ZNF276: variants seen among roughly 807,000 people sequenced by gnomAD.
ZNF276 encodes centromere protein Z.
A neutral mutation model predicts 63.9 loss-of-function variants in ZNF276; 59 were observed. The observed-to-expected ratio is 0.92, with a 90% CI of 0.75 to 1.15. The LOEUF (loss-of-function observed/expected upper bound fraction) is 1.15. ZNF276 is among the 50% of genes most tolerant of loss of function. The probability of loss-of-function intolerance (pLI) is 0.00; values close to 1 mark genes in which losing one functional copy is unlikely to be tolerated. For missense variants in ZNF276, 1,084 were observed against 843.8 expected, an observed-to-expected ratio of 1.28 and a Z score of -3.53; for synonymous variants, 496 against 348.4, an observed-to-expected ratio of 1.42 and a Z score of -4.72.
chr16:89,728,396 T>C (rs2061534054), intron 5 of ZNF276, among the ~76,000 whole-genome samples: 1 of 151,708 alleles, frequency 6.6e-6, no homozygotes, highest in Non-Finnish European at 1.5e-5. Flanking sequence ...AGCTAAGTTT[T>C]GTATTTATTT....
chr16:89,731,006 A>T (rs1318205788), intron 6 of ZNF276, among the ~76,000 whole-genome samples: 1 of 152,204 alleles, frequency 6.6e-6, no homozygotes, highest in African/African-American at 2.4e-5. Flanking sequence ...AGCCCAGCCC[A>T]CCCGGTCCGC....
chr16:89,730,921 G>A (rs2061626007), intron 6 of ZNF276, among the ~76,000 whole-genome samples: 1 of 152,242 alleles, frequency 6.6e-6, no homozygotes, highest in Non-Finnish European at 1.5e-5. Context: ...TGAGGGGTCA[G>A]TGGTTCCCGC....
Position 89,739,458 on chromosome 16 carries a change from A to G in ZNF276, c.*1212A>G. On this transcript the variant is annotated 3_prime_UTR_variant, in exon 11 of 11. Transcript: ENST00000443381. Reference sequence around the variant, plus strand: ...TGGGAAACACTGCCCAGCCCTGACCAGCCCTGTGGGTGGAGGTACCTGTAA... The same window carrying G: ...TGGGAAACACTGCCCAGCCCTGACCGGCCCTGTGGGTGGAGGTACCTGTAA... The G allele has an allele frequency of 1.3e-6, 2 of 1,552,140 alleles. No individual in the cohort carries two copies. The highest frequency in any genetic ancestry group is 2.7e-5 in the African/African-American group (2 of 73,244).
Position 89,729,367 on chromosome 16 carries a change from G to T in ZNF276, c.1169+49G>T, listed in dbSNP as rs762341300. On this transcript the variant is annotated intron_variant, in intron 6 of 10. Transcript: ENST00000443381. ...CTGGAGGCATCCGTTGGGCGACCTA[G>T]ACACCCGCCTGTGCTCCAGGGCCTC... 9.1e-6 allele frequency: 14 copies of T among 1,539,392 alleles called. No homozygotes were observed. In the Admixed American group the frequency reaches 2.2e-4, roughly 24 times the overall value.
chr16:89,723,739 C>T (rs775956280), intron 4 of ZNF276, 30 bp downstream of exon 4: 15 of 1,590,584 alleles, frequency 9.4e-6, no homozygotes, highest in Non-Finnish European at 1.3e-5. Flanking sequence ...GGTGCTAGAC[C>T]AGGATGTGTG....
chr16:89,726,657 A>G (rs930358105), intron 4 of ZNF276, among the ~76,000 whole-genome samples: 4 of 149,528 alleles, frequency 2.7e-5, no homozygotes, highest in Non-Finnish European at 5.9e-5. Context: ...TAATTATTTT[A>G]TTTTTTTGAG....
rs772736966 is a variant in ZNF276 at position 89,738,568 on chromosome 16, G to A, written c.*322G>A. ...TATGCTTGTAATAAATTATTTACAC[G>A]GGAGCTGGGCTGGTGTGCAGTGGCA... On this transcript the variant is annotated 3_prime_UTR_variant, in exon 11 of 11. Coordinates refer to ENST00000443381, the MANE Select transcript of ZNF276 (RefSeq NM_001113525.2). 63 of 1,612,664 alleles carry A rather than the reference G, an allele frequency of 3.9e-5. No homozygotes were observed. Among genetic ancestry groups the A allele is most frequent in the Non-Finnish European group, 4.7e-5 (55 of 1,179,986 alleles).
intron 9 of ZNF276, 67 bp downstream of exon 9, chr16:89,734,105 T>C: frequency 2.0e-6 from 3 of 1,473,716 alleles, no homozygotes; most frequent in Non-Finnish European, 2.8e-6. Context: ...TTTCCAGTCT[T>C]CCTCATACCC....
intron 9 of ZNF276, among the ~76,000 whole-genome samples, chr16:89,734,535 C>T (rs2061784555): frequency 6.6e-6 from 1 of 152,118 alleles, no homozygotes; most frequent in Non-Finnish European, 1.5e-5. Flanking sequence ...CCATGTTGGC[C>T]AGGGTGATCT....
upstream of ZNF276, chr16:89,721,023 G>C (rs946862669): frequency 3.1e-6 from 2 of 650,228 alleles, no homozygotes; most frequent in Non-Finnish European, 2.1e-6. Flanking sequence ...CGTACTGCGG[G>C]CCCCACGGGT....
chr16:89,720,916 AGG>A, upstream of ZNF276: 5 of 1,266,490 alleles, frequency 3.9e-6, no homozygotes, highest in Non-Finnish European at 5.0e-6. Context: ...GGGCGACCGG[AGG>A]CCCGGAACGC....
chr16:89,726,449 G>A (rs1475363290), intron 4 of ZNF276, among the ~76,000 whole-genome samples: 1 of 151,810 alleles, frequency 6.6e-6, no homozygotes, highest in Non-Finnish European at 1.5e-5. Context: ...CGCCCACCCC[G>A]GCCTCCAAAG....
chr16:89,737,355 T>C (rs2061962740), intron 9 of ZNF276, among the ~76,000 whole-genome samples: 1 of 151,950 alleles, frequency 6.6e-6, no homozygotes, highest in Non-Finnish European at 1.5e-5. Context: ...ACCCTGTCTC[T>C]ACTAAAAATA....
chr16:89,736,574 C>T (rs2061904369), intron 9 of ZNF276, among the ~76,000 whole-genome samples: 1 of 148,500 alleles, frequency 6.7e-6, no homozygotes, highest in Admixed American at 6.8e-5. Context: ...GATCCGCCTG[C>T]CTTGGCCTTC....
At chr16:89,728,325 A>C (rs2151676838) in intron 5 of ZNF276, among the ~76,000 whole-genome samples, 3 of 150,534 alleles carry the variant, frequency 2.0e-5, no homozygotes, top group South Asian at 4.2e-4. Flanking sequence ...CCCGCGTTCA[A>C]GTGATTCTCC....
At chr16:89,723,067 G>T (rs1323083126) in intron 2 of ZNF276, 70 bp from the exon 3 acceptor site, 2 of 1,611,740 alleles carry the variant, frequency 1.2e-6, no homozygotes, top group South Asian at 1.1e-5. Context: ...ATCTCGAGAG[G>T]GTCCCGTACG....
chr16:89,732,311 G>GA (rs2151688662), intron 6 of ZNF276: 1 of 152,060 alleles, frequency 6.6e-6, no homozygotes, highest in South Asian at 2.1e-4. Context: ...GCAGCTCCAG[G>GA]AACACAGGCT....
intron 9 of ZNF276, chr16:89,737,537 A>G (rs952222983): frequency 4.2e-6 from 2 of 480,334 alleles, no homozygotes; most frequent in Admixed American, 4.0e-5. Flanking sequence ...AAAAAAAGAC[A>G]AGAATCTGTG....
chr16:89,737,393 C>T (rs935127518), intron 9 of ZNF276, among the ~76,000 whole-genome samples: 1 of 151,220 alleles, frequency 6.6e-6, no homozygotes, highest in African/African-American at 2.4e-5. Flanking sequence ...TGGTGGGGGG[C>T]GCCTGTAATC....
Sources: allele counts gnomAD v4.1 joint callset (sites outside exome capture counted in the v4.1 genomes callset), GRCh38; gene constraint gnomAD v4.1.1; transcripts MANE v1.5; gene names NCBI Gene and HGNC (gene_info 2026-07-23, HGNC 2026-07-21).